The following DCC variants were observed in gnomAD, a reference collection of about 807,000 sequenced individuals.
DCC encodes the protein netrin receptor DCC.
In DCC, 58 loss-of-function variants were observed where a neutral mutation model predicts 172.5. The observed-to-expected ratio is 0.34, with a 90% CI of 0.27 to 0.42. The LOEUF (loss-of-function observed/expected upper bound fraction) is 0.42, where lower values mean the gene tolerates loss of function less well. Among genes scored for constraint, DCC ranks in the 10% least tolerant of loss-of-function variants. DCC has a pLI of 1.00. For synonymous variants in DCC, 709 were observed against 644.5 expected (o/e 1.10, Z -1.52); for missense variants, 1,740 against 1,791.0 (o/e 0.97, Z 0.51).
intron 2 of DCC, among the ~76,000 whole-genome samples, chr18:52,852,478 G>A (rs2038990910): frequency 1.3e-5 from 2 of 152,148 alleles, no homozygotes; most frequent in South Asian, 2.1e-4. Context: ...TATCTGAGCA[G>A]CCAATATACT....
At chr18:52,977,647 A>G (rs1343581117) in intron 5 of DCC, among the ~76,000 whole-genome samples, 1 of 152,066 alleles carries the variant, frequency 6.6e-6, no homozygotes, top group African/African-American at 2.4e-5. Context: ...GCACTTTGGG[A>G]GGCCGAGGCG....
chr18:53,378,689 C>A (rs1907493323), intron 15 of DCC, among the ~76,000 whole-genome samples: 1 of 152,304 alleles, frequency 6.6e-6, no homozygotes, highest in Non-Finnish European at 1.5e-5. Flanking sequence ...TGAAACATTT[C>A]TCACTAAGCA....
intron 5 of DCC, among the ~76,000 whole-genome samples, chr18:53,013,944 T>A (rs766171037): frequency 5.9e-5 from 9 of 152,200 alleles, no homozygotes; most frequent in Non-Finnish European, 8.8e-5. Flanking sequence ...TAGATACTTA[T>A]ACATGGTGAA....
At chr18:53,407,726 C>T (rs928455117) in intron 19 of DCC, among the ~76,000 whole-genome samples, 3 of 151,476 alleles carry the variant, frequency 2.0e-5, no homozygotes, top group Non-Finnish European at 2.9e-5. Flanking sequence ...TATGTACACA[C>T]ACATATATCT....
chr18:53,192,570 C>G (rs2144515632), intron 9 of DCC, among the ~76,000 whole-genome samples: 1 of 152,124 alleles, frequency 6.6e-6, no homozygotes, highest in Admixed American at 6.5e-5. Flanking sequence ...TGAAAAGCAG[C>G]TGACTATCAA....
At chr18:52,940,791 C>T (rs773803613) in intron 5 of DCC, 1 of 152,034 alleles carries the variant, frequency 6.6e-6, no homozygotes, top group Admixed American at 6.6e-5. Context: ...GAAGACAGTC[C>T]AATGGAGTGT....
chr18:53,205,180 C>A (rs371898840), intron 9 of DCC, 36 bp from the exon 10 acceptor site: 78 of 1,574,918 alleles, frequency 5.0e-5, no homozygotes, highest in Non-Finnish European at 6.3e-5. Context: ...TTATCCTAAT[C>A]ACTTTTCTTT....
rs144228637 is a variant in DCC, at chr18:53,070,463, T to G, written c.1261+4297T>G. On this transcript the variant is annotated intron_variant, in intron 7 of 28. Coordinates refer to ENST00000442544, the MANE Select transcript of DCC (RefSeq NM_005215.4). ...ATTTCCAATAGTTGAGCTTATTCAG[T>G]CAACCCATTATAGATGTTCAATTTC... Among the ~76,000 whole-genome samples the G allele has an allele frequency of 3.3e-5, 5 of 152,310 alleles. No homozygotes were observed. In the East Asian group the frequency reaches 9.7e-4, roughly 29 times the overall value.
intron 12 of DCC, among the ~76,000 whole-genome samples, chr18:53,256,316 A>G (rs190703422): frequency 4.7e-4 from 72 of 152,278 alleles, no homozygotes; most frequent in Non-Finnish European, 9.1e-4. Context: ...GGCATTGCCT[A>G]GGTTTTCTTC....
chr18:53,300,247 C>T (rs531079264), intron 12 of DCC, among the ~76,000 whole-genome samples: 1 of 152,162 alleles, frequency 6.6e-6, no homozygotes, highest in Non-Finnish European at 1.5e-5. Context: ...CAAATCAATA[C>T]CCTTGGTGCT....
At chr18:53,344,897 A>AG (rs2057705820) in intron 15 of DCC, among the ~76,000 whole-genome samples, 1 of 151,042 alleles carries the variant, frequency 6.6e-6, no homozygotes, top group South Asian at 2.1e-4. Context: ...AAAAAAAAAA[A>AG]AAAGGAAAGA....
chr18:53,175,128 C>A lies in DCC; in HGVS notation c.1419-3834C>A, dbSNP rs547278360. 1.1e-4 allele frequency among the ~76,000 whole-genome samples: 17 copies of A among 152,158 alleles called. No individual in the cohort carries two copies. The East Asian group carries it at 2.3e-3, about 21-fold the overall frequency. On this transcript the variant is annotated intron_variant, in intron 8 of 28. Transcript: ENST00000442544. ...AAAGCCTTTGACAAAATTCAAGAAC[C>A]CTTCATGCTAAAAACTCTCAATAAA...
At chr18:52,986,835 T>TACACACACAC (rs147730924) in intron 5 of DCC, among the ~76,000 whole-genome samples, 186 of 136,054 alleles carry the variant, frequency 1.4e-3, no homozygotes, top group African/African-American at 4.1e-3. Flanking sequence ...CACATATACA[T>TACACACACAC]ACACACACAC....
intron 7 of DCC, among the ~76,000 whole-genome samples, chr18:53,083,990 G>A (rs572648545): frequency 1.3e-5 from 2 of 152,272 alleles, no homozygotes; most frequent in African/African-American, 2.4e-5. Flanking sequence ...GCCAGAAAAG[G>A]CAAATAGATG....
At chr18:52,711,932 T>C (rs1297098365) in intron 1 of DCC, among the ~76,000 whole-genome samples, 1 of 152,146 alleles carries the variant, frequency 6.6e-6, no homozygotes, top group African/African-American at 2.4e-5. Flanking sequence ...CTCAGTGGAC[T>C]ATAAAAGCAT....
At chr18:52,510,033 G>C (rs2031375850) in intron 1 of DCC, among the ~76,000 whole-genome samples, 1 of 151,964 alleles carries the variant, frequency 6.6e-6, no homozygotes, top group African/African-American at 2.4e-5. Flanking sequence ...GAACCCAGGA[G>C]GCGGAGGTTA....
intron 12 of DCC, among the ~76,000 whole-genome samples, chr18:53,276,979 CCAACAAAAT>C (rs1267036739): frequency 6.6e-6 from 1 of 151,758 alleles, no homozygotes; most frequent in Non-Finnish European, 1.5e-5. Flanking sequence ...TAAAACAAAA[CCAACAAAAT>C]CAGTATTAGG....
intron 1 of DCC, among the ~76,000 whole-genome samples, chr18:52,344,550 G>T (rs182605328): frequency 1.3e-5 from 2 of 152,152 alleles, no homozygotes; most frequent in East Asian, 3.9e-4. Flanking sequence ...GCAGCTGCAC[G>T]CAGTAGGGTC....
intron 1 of DCC, among the ~76,000 whole-genome samples, chr18:52,525,466 G>T (rs1482466316): frequency 6.6e-6 from 1 of 152,152 alleles, no homozygotes; most frequent in Non-Finnish European, 1.5e-5. Flanking sequence ...TGTAAATAAA[G>T]ATTTATCTAG....
Sources: allele counts gnomAD v4.1 joint callset (sites outside exome capture counted in the v4.1 genomes callset), GRCh38; gene constraint gnomAD v4.1.1; transcripts MANE v1.5; gene names NCBI Gene and HGNC (gene_info 2026-07-23, HGNC 2026-07-21).